The following TAFA4 variants were observed in gnomAD, a reference collection of about 807,000 sequenced individuals.
TAFA4 encodes TAFA chemokine like family member 4.
In TAFA4, 20 loss-of-function variants were observed where a neutral mutation model predicts 21.1. That is an observed-to-expected ratio of 0.95 (90% confidence interval 0.67 to 1.38). The LOEUF is 1.38. Among genes scored for constraint, TAFA4 ranks in the 40% most tolerant of loss-of-function variants. The pLI, the probability that TAFA4 is intolerant of heterozygous loss-of-function variation, is 0.00. For missense variants in TAFA4, 211 were observed against 180.9 expected, an observed-to-expected ratio of 1.17 and a Z score of -0.95; for synonymous variants, 71 against 67.4, an observed-to-expected ratio of 1.05 and a Z score of -0.26.
At chr3:68,820,658 C>T (rs930887350) in intron 3 of TAFA4, among the ~76,000 whole-genome samples, 1 of 152,006 alleles carries the variant, frequency 6.6e-6, no homozygotes, top group Non-Finnish European at 1.5e-5. Context: ...AGAACAAGAC[C>T]CTGTTTCAAA....
intron 3 of TAFA4, among the ~76,000 whole-genome samples, chr3:68,835,651 GCTGT>G (rs1704506549): frequency 6.6e-6 from 1 of 152,226 alleles, no homozygotes. Flanking sequence ...ATGCCATGTG[GCTGT>G]CTAACATGCA....
chr3:68,847,152 G>T (rs1704822919), intron 3 of TAFA4, among the ~76,000 whole-genome samples: 1 of 152,234 alleles, frequency 6.6e-6, no homozygotes, highest in Non-Finnish European at 1.5e-5. Context: ...GTCCCAGGAA[G>T]ATGGAAGTTT....
intron 1 of TAFA4, among the ~76,000 whole-genome samples, chr3:68,903,081 T>C (rs2089860170): frequency 6.6e-6 from 1 of 152,172 alleles, no homozygotes; most frequent in Non-Finnish European, 1.5e-5. Flanking sequence ...AACATTTATC[T>C]GTCCTGTAAC....
intron 3 of TAFA4, among the ~76,000 whole-genome samples, chr3:68,782,086 T>C (rs1703163937): frequency 6.6e-6 from 1 of 152,138 alleles, no homozygotes. Flanking sequence ...GGAGAAAATA[T>C]CTGGAAAATC....
At chr3:68,811,250 C>G (rs901187528) in intron 3 of TAFA4, among the ~76,000 whole-genome samples, 10 of 152,156 alleles carry the variant, frequency 6.6e-5, no homozygotes, top group Non-Finnish European at 1.5e-5. Flanking sequence ...ACTGGAAACT[C>G]TAAAAATCAG....
intron 1 of TAFA4, chr3:68,916,184 G>A (rs970523819): frequency 6.6e-6 from 1 of 152,202 alleles, no homozygotes; most frequent in African/African-American, 2.4e-5. Flanking sequence ...CTCAGCAAGT[G>A]AAGTCATTTC....
intron 3 of TAFA4, among the ~76,000 whole-genome samples, chr3:68,785,460 C>T (rs1386819449): frequency 1.3e-5 from 2 of 152,214 alleles, no homozygotes; most frequent in African/African-American, 2.4e-5. Flanking sequence ...AGCCCTGCCC[C>T]GCGCGGGAAG....
chr3:68,794,356 A>G (rs1455151585), intron 3 of TAFA4, among the ~76,000 whole-genome samples: 1 of 152,202 alleles, frequency 6.6e-6, no homozygotes, highest in African/African-American at 2.4e-5. Flanking sequence ...GCCACAGGGT[A>G]AATAAAGATC....
rs141275957 is a variant in TAFA4, at chr3:68,838,492, C to A, written c.130+42238G>T. 1.4e-3 allele frequency among the ~76,000 whole-genome samples: 219 copies of A among 152,276 alleles called. 2 individuals are homozygous for A. The highest frequency in any genetic ancestry group is 0.011 in the Admixed American group (171 of 15,292). ...AAAATTGAGTGGCCCAAGCAGCATT[C>A]TCTTTCATTTGACAAGTATTTCGTG... On this transcript the variant is annotated intron_variant, in intron 3 of 5. Transcript: ENST00000295569.
chr3:68,829,495 T>G (rs1704326965), intron 3 of TAFA4, among the ~76,000 whole-genome samples: 1 of 152,222 alleles, frequency 6.6e-6, no homozygotes. Context: ...TTACGTTTAT[T>G]GATTTGCGTA....
intron 3 of TAFA4, among the ~76,000 whole-genome samples, chr3:68,868,094 C>G (rs2089441021): frequency 6.6e-6 from 1 of 151,778 alleles, no homozygotes; most frequent in Admixed American, 6.6e-5. Context: ...CTATAAGCTG[C>G]CTACAAGAAA....
intron 1 of TAFA4, among the ~76,000 whole-genome samples, chr3:68,917,753 C>CCAA (rs764665164): frequency 1.7e-5 from 1 of 58,188 alleles, no homozygotes; most frequent in African/African-American, 6.4e-5. Flanking sequence ...GACTCTGTCT[C>CCAA]AAAAAAAAAA....
At chr3:68,923,580 G>A (rs2090079738) in intron 1 of TAFA4, among the ~76,000 whole-genome samples, 1 of 152,036 alleles carries the variant, frequency 6.6e-6, no homozygotes, top group Non-Finnish European at 1.5e-5. Flanking sequence ...AGGATTTGAG[G>A]CAGCACTAAT....
chr3:68,796,756 A>C (rs1033545710), intron 3 of TAFA4, among the ~76,000 whole-genome samples: 2 of 152,358 alleles, frequency 1.3e-5, no homozygotes, highest in Middle Eastern at 3.4e-3. Flanking sequence ...GTTAATATCC[A>C]GAATATATAA....
intron 5 of TAFA4, among the ~76,000 whole-genome samples, chr3:68,735,038 G>A (rs1406437035): frequency 6.6e-6 from 1 of 152,062 alleles, no homozygotes; most frequent in Admixed American, 6.6e-5. Context: ...AATTTTGACG[G>A]ATACAAGGCT....
rs543140276 is a variant in TAFA4 at position 68,731,793 on chromosome 3, T to C, written c.*1349A>G. On this transcript the variant is annotated 3_prime_UTR_variant, in exon 6 of 6. Coordinates refer to ENST00000295569, the MANE Select transcript of TAFA4 (RefSeq NM_182522.5). ...CCATCAGCAGGATGAATTTTTTTAC[T>C]TATTCATATGATCATAACAAATATT... 6.2e-4 allele frequency: 95 copies of C among 152,274 alleles called. No homozygotes were observed. The highest frequency in any genetic ancestry group is 2.1e-3 in the African/African-American group (88 of 41,578). 9.4% of individuals were successfully genotyped at this position (152,274 alleles called of 1,614,324 possible).
intron 3 of TAFA4, among the ~76,000 whole-genome samples, chr3:68,762,895 G>C (rs182295938): frequency 6.6e-6 from 1 of 152,280 alleles, no homozygotes; most frequent in Non-Finnish European, 1.5e-5. Flanking sequence ...AAAATTAGCC[G>C]GGTGTGGTGG....
chr3:68,926,147 T>A lies in TAFA4; in HGVS notation c.-123+6093A>T, dbSNP rs1030201793. On this transcript the variant is annotated intron_variant, in intron 1 of 5. Transcript: ENST00000295569. ...CTCAGGAGGCTGAGGCAGAATTGCT[T>A]GAACCCAAGAGGGGGTGGTTGCAGT... Among the ~76,000 whole-genome samples, 4 of 151,480 alleles carry A rather than the reference T, an allele frequency of 2.6e-5. No homozygotes were observed. In the South Asian group the frequency reaches 8.4e-4, roughly 32 times the overall value.
At chr3:68,876,967 G>A (rs2089556266) in intron 3 of TAFA4, among the ~76,000 whole-genome samples, 1 of 151,944 alleles carries the variant, frequency 6.6e-6, no homozygotes, top group East Asian at 1.9e-4. Context: ...ATAGAAAGAG[G>A]CTGAGTCCCG....
Sources: allele counts gnomAD v4.1 joint callset (sites outside exome capture counted in the v4.1 genomes callset), GRCh38; gene constraint gnomAD v4.1.1; transcripts MANE v1.5; gene names NCBI Gene and HGNC (gene_info 2026-07-23, HGNC 2026-07-21).